The following C19orf47 variants were observed in gnomAD, a reference collection of about 807,000 sequenced individuals.
C19orf47 encodes chromosome 19 open reading frame 47.
C19orf47 carries 18 observed loss-of-function variants against 32.3 expected under a neutral mutation model. That is an observed-to-expected ratio of 0.56 (90% confidence interval 0.39 to 0.83). C19orf47 has a LOEUF of 0.83. Among genes scored for constraint, C19orf47 ranks in the 40% least tolerant of loss-of-function variants. C19orf47 has a pLI of 0.00. For synonymous variants in C19orf47, 202 were observed against 211.1 expected (o/e 0.96, Z 0.37); for missense variants, 484 against 531.6 (o/e 0.91, Z 0.88).
At position 40,341,898 on chromosome 19, in the gene C19orf47, A is replaced by T; in HGVS notation, c.-33-8T>A. 1 of 1,536,188 alleles carries T rather than the reference A, an allele frequency of 6.5e-7. No homozygotes were observed. The highest frequency in any genetic ancestry group is 1.2e-5 in the South Asian group (1 of 84,064). On this transcript the variant is annotated splice_polypyrimidine_tract_variant and splice_region_variant and intron_variant, in intron 1 of 8. Transcript: ENST00000683109. ...GACACTGCTCCCTGGAGCCTGAAAG[A>T]GAAGAGAGGAGAGAGCCCATGAGCT...
chr19:40,334,736 G>A (rs2078023640), intron 4 of C19orf47: 1 of 151,864 alleles, frequency 6.6e-6, no homozygotes, highest in Non-Finnish European at 1.5e-5. Context: ...AACAGGGCAG[G>A]ATTCTGTCTC....
chr19:40,323,985 C>T (rs745804894), intron 8 of C19orf47, 21 bp downstream of exon 8: 134 of 1,613,878 alleles, frequency 8.3e-5, no homozygotes, highest in Non-Finnish European at 1.1e-4. Context: ...CGCCCAGAAT[C>T]GCTCCCCCAT....
chr19:40,335,896 A>C (rs1015427528), intron 4 of C19orf47, among the ~76,000 whole-genome samples: 1 of 152,238 alleles, frequency 6.6e-6, no homozygotes, highest in Non-Finnish European at 1.5e-5. Context: ...GGCGTGAGCC[A>C]CCGCACCCGG....
At chr19:40,344,227 C>T (rs2078230314) in intron 1 of C19orf47, among the ~76,000 whole-genome samples, 1 of 151,794 alleles carries the variant, frequency 6.6e-6, no homozygotes, top group South Asian at 2.1e-4. Flanking sequence ...GCCTGTAATC[C>T]CAGCACTTTG....
At chr19:40,330,123 G>C (rs527964965) in intron 5 of C19orf47, among the ~76,000 whole-genome samples, 7 of 152,306 alleles carry the variant, frequency 4.6e-5, no homozygotes, top group African/African-American at 1.7e-4. Context: ...GTGTGTAAAA[G>C]TGATCATCTC....
chr19:40,314,686 G>T (rs568064977), downstream of C19orf47, among the ~76,000 whole-genome samples: 1 of 152,200 alleles, frequency 6.6e-6, no homozygotes, highest in Non-Finnish European at 1.5e-5. Context: ...CCCCCAAGGA[G>T]ATGGAGCATA....
chr19:40,303,972 G>C, the C19orf47 span, among the ~76,000 whole-genome samples: 1 of 152,058 alleles, frequency 6.6e-6, no homozygotes, highest in Admixed American at 6.6e-5. Context: ...TCAGAAACTA[G>C]TTTACAGATT....
intron 1 of C19orf47, among the ~76,000 whole-genome samples, chr19:40,343,089 A>C (rs2078208444): frequency 6.6e-6 from 1 of 152,146 alleles, no homozygotes; most frequent in Non-Finnish European, 1.5e-5. Flanking sequence ...CGACTCCAGG[A>C]TCATGGGGCC....
intron 7 of C19orf47, among the ~76,000 whole-genome samples, chr19:40,325,098 C>T (rs1240150429): frequency 6.6e-6 from 1 of 151,506 alleles, no homozygotes; most frequent in Non-Finnish European, 1.5e-5. Context: ...GATGAAACCC[C>T]GTCTCTACTA....
chr19:40,295,800 G>A, the C19orf47 span, among the ~76,000 whole-genome samples: 8 of 152,092 alleles, frequency 5.3e-5, no homozygotes, highest in South Asian at 2.1e-4. Flanking sequence ...AGGCTGGAGC[G>A]CAGCGTCGCA....
At position 40,321,254 on chromosome 19, in the gene C19orf47, T is replaced by C; in HGVS notation, c.*628A>G. On this transcript the variant is annotated 3_prime_UTR_variant, in exon 9 of 9. Transcript: ENST00000683109. ...CTCCAGCCTGGGAGTAGAGGGCGGC[T>C]AACAGTCTCAACAGGCTCGACGCCA... The C allele has an allele frequency of 3.0e-6, 3 of 986,672 alleles. No individual in the cohort carries two copies. The highest frequency in any genetic ancestry group is 3.6e-6 in the Non-Finnish European group (3 of 830,098). 61.1% of individuals were successfully genotyped at this position (986,672 alleles called of 1,614,324 possible). A position where few individuals can be genotyped will look rare whatever the true frequency, so the allele number is the denominator to read the frequency against.
rs1247402450 is a variant in C19orf47, at chr19:40,320,705, C to G, written c.*1177G>C. Reference sequence around the variant, plus strand: ...CCTGCTACCAGCTCCTAGGACAGGCCTGGCTCAGGGGCGCTGTGCAGCAGG... The same window carrying G: ...CCTGCTACCAGCTCCTAGGACAGGCGTGGCTCAGGGGCGCTGTGCAGCAGG... On this transcript the variant is annotated 3_prime_UTR_variant, in exon 9 of 9. Transcript: ENST00000683109. 3 of 153,750 alleles carry G rather than the reference C, an allele frequency of 2.0e-5. No homozygotes were observed. Among genetic ancestry groups the G allele is most frequent in the Admixed American group, 6.5e-5 (1 of 15,280 alleles). 9.5% of individuals were successfully genotyped at this position (153,750 alleles called of 1,614,324 possible).
At chr19:40,323,954 CAGGGA>C in intron 8 of C19orf47, 47 bp downstream of exon 8, 1 of 1,604,594 alleles carries the variant, frequency 6.2e-7, no homozygotes. Context: ...GAGCACCGCT[CAGGGA>C]AGACAACAGC....
At chr19:40,307,108 T>TC in the C19orf47 span, among the ~76,000 whole-genome samples, 2 of 144,710 alleles carry the variant, frequency 1.4e-5, no homozygotes, top group African/African-American at 5.1e-5. Context: ...TTTTTTTTTT[T>TC]TTTTTTTGAG....
chr19:40,314,539 G>A (rs1282783641), downstream of C19orf47, among the ~76,000 whole-genome samples: 16 of 152,276 alleles, frequency 1.1e-4, no homozygotes, highest in East Asian at 1.7e-3. Context: ...AGAAAGTAAC[G>A]TTGGATGATA....
Position 40,336,148 on chromosome 19 carries a change from T to A in C19orf47, c.184A>T (p.Ile62Phe). The A allele has an allele frequency of 6.2e-7, 1 of 1,614,214 alleles. No homozygotes were observed. The highest frequency in any genetic ancestry group is 1.3e-5 in the African/African-American group (1 of 75,064). Residue 62 changes from isoleucine (I) to phenylalanine (F), a missense_variant, in exon 4 of 9, where the codon ATC (isoleucine) becomes TTC (phenylalanine). Transcript: ENST00000683109. The stretch of plus-strand genomic sequence containing the variant: ...ACTTTGGCATGCTTGAGAATGGCGA[T>A]GATGTCACCCACCACGGTCACGCCC... ...ELGVTVVGDI[I>F]AILKHAKVVH... is the part of the protein sequence containing the mutation.
chr19:40,315,636 C>T (rs1239755631), downstream of C19orf47, among the ~76,000 whole-genome samples: 1 of 152,026 alleles, frequency 6.6e-6, no homozygotes, highest in Non-Finnish European at 1.5e-5. Flanking sequence ...AAAAATTAGC[C>T]AGGCATGGTG....
the C19orf47 span, among the ~76,000 whole-genome samples, chr19:40,299,761 C>T: frequency 6.6e-6 from 1 of 152,174 alleles, no homozygotes; most frequent in Admixed American, 6.5e-5. Context: ...CACGGTGGCT[C>T]ACGTCTGTAA....
At chr19:40,324,207 G>T (rs2145522342) in intron 7 of C19orf47, 131 bp from the exon 8 acceptor site, 1 of 864,862 alleles carries the variant, frequency 1.2e-6, no homozygotes, top group Non-Finnish European at 1.9e-6. Context: ...GCTGAGTTGG[G>T]TGTTATGTCT....
Sources: gnomAD v4.1 joint callset for allele counts (sites outside exome capture counted in the v4.1 genomes callset) on GRCh38, gnomAD v4.1.1 for gene constraint, MANE v1.5 for transcripts, NCBI Gene and HGNC (gene_info 2026-07-23, HGNC 2026-07-21) for gene names.